PLCL1: variants seen among roughly 807,000 people sequenced by gnomAD.
PLCL1 encodes phospholipase C like 1 (inactive), also known as inactive phospholipase C-like protein 1.
PLCL1 carries 41 observed loss-of-function variants against 84.4 expected under a neutral mutation model. That is an observed-to-expected ratio of 0.49 (90% CI 0.38 to 0.63). PLCL1 has a LOEUF of 0.63. Among genes scored for constraint, PLCL1 ranks in the 30% least tolerant of loss-of-function variants. The pLI, the probability that PLCL1 is intolerant of heterozygous loss-of-function variation, is 0.00. For synonymous variants in PLCL1, 490 were observed against 488.3 expected (o/e 1.00, Z -0.05); for missense variants, 1,206 against 1,367.8 (o/e 0.88, Z 1.87).
intron 1 of PLCL1, among the ~76,000 whole-genome samples, chr2:198,076,470 C>A (rs1692578610): frequency 6.6e-6 from 1 of 152,144 alleles, no homozygotes; most frequent in South Asian, 2.1e-4. Flanking sequence ...CTTAGCATTG[C>A]CTTTAATTAA....
Position 197,912,951 on chromosome 2 carries a change from T to TA in PLCL1, c.240+107621dup, listed in dbSNP as rs1334990429. On this transcript the variant is annotated intron_variant, in intron 1 of 5. Coordinates refer to ENST00000428675, the MANE Select transcript of PLCL1 (RefSeq NM_006226.4). Reference sequence around the variant, plus strand: ...ATGTACCCTAAAACTTACAGTATAATAAAAAAAAATTAAAAAAAAAAAGAA... The same window carrying TA: ...ATGTACCCTAAAACTTACAGTATAATAAAAAAAAAATTAAAAAAAAAAAGAA... Among the ~76,000 whole-genome samples the TA allele has an allele frequency of 5.0e-4, 55 of 110,528 alleles. 2 individuals are homozygous for TA. The highest frequency in any genetic ancestry group is 1.4e-3 in the African/African-American group (48 of 34,902). The allele number at this position is 110,528 out of a possible 152,430, so 72.5% of individuals were successfully genotyped here.
chr2:198,125,202 G>T (rs1693956947), intron 5 of PLCL1, among the ~76,000 whole-genome samples: 1 of 152,098 alleles, frequency 6.6e-6, no homozygotes, highest in Admixed American at 6.6e-5. Flanking sequence ...TTGGCTGCAG[G>T]CCATAGTATA....
At chr2:198,134,109 T>C (rs997691350) in intron 5 of PLCL1, among the ~76,000 whole-genome samples, 3 of 152,100 alleles carry the variant, frequency 2.0e-5, no homozygotes, top group African/African-American at 4.8e-5. Flanking sequence ...ATTCAACTTT[T>C]GTGTAGGGTT....
rs142348552 is a variant in PLCL1, at chr2:198,044,036, A to G, written c.241-39722A>G. The stretch of plus-strand genomic sequence containing the variant: ...CTCTTTTTAAAACTATCTTTTACTA[A>G]GTCTACCACCCTTGCAAAATTACAC... On this transcript the variant is annotated intron_variant, in intron 1 of 5. Transcript: ENST00000428675. Among the ~76,000 whole-genome samples the G allele has an allele frequency of 4.6e-5, 7 of 151,986 alleles. 1 individual carries two copies. Among genetic ancestry groups the G allele is most frequent in the African/African-American group, 1.7e-4 (7 of 41,502 alleles).
intron 2 of PLCL1, among the ~76,000 whole-genome samples, 187 bp downstream of exon 2, chr2:198,086,419 G>A (rs1196278340): frequency 1.3e-5 from 2 of 152,124 alleles, no homozygotes; most frequent in East Asian, 3.9e-4. Flanking sequence ...CCAGGAGTTC[G>A]AGGCCAGCTT....
At chr2:197,922,833 A>G (rs1688736436) in intron 1 of PLCL1, among the ~76,000 whole-genome samples, 3 of 111,350 alleles carry the variant, frequency 2.7e-5, no homozygotes, top group African/African-American at 3.3e-5. Context: ...GGGGCTCCTC[A>G]CTTCCCAGTA....
chr2:197,878,794 G>A (rs1687781104), intron 1 of PLCL1, among the ~76,000 whole-genome samples: 1 of 152,124 alleles, frequency 6.6e-6, no homozygotes, highest in Admixed American at 6.6e-5. Context: ...TATCAGGTTG[G>A]GGGAGGGAGA....
At chr2:198,079,994 G>T (rs1692671770) in intron 1 of PLCL1, among the ~76,000 whole-genome samples, 1 of 152,200 alleles carries the variant, frequency 6.6e-6, no homozygotes, top group Non-Finnish European at 1.5e-5. Flanking sequence ...TGGGTGGAAG[G>T]GGTATTGGTA....
intron 5 of PLCL1, among the ~76,000 whole-genome samples, chr2:198,105,492 C>G (rs563282259): frequency 6.6e-6 from 1 of 151,886 alleles, no homozygotes; most frequent in South Asian, 2.1e-4. Flanking sequence ...GGTTCATACT[C>G]TAGGAGATGG....
chr2:197,995,804 CTTTG>C (rs1224129961), intron 1 of PLCL1, among the ~76,000 whole-genome samples: 2 of 152,166 alleles, frequency 1.3e-5, no homozygotes, highest in African/African-American at 2.4e-5. Context: ...GTATCTGCTT[CTTTG>C]TTTGGCTCTG....
chr2:198,131,290 T>C (rs1574334353), intron 5 of PLCL1, among the ~76,000 whole-genome samples: 1 of 152,180 alleles, frequency 6.6e-6, no homozygotes. Flanking sequence ...GATGCCTTCA[T>C]GGACACCTCA....
chr2:197,958,851 T>A (rs1182379813), intron 1 of PLCL1, among the ~76,000 whole-genome samples: 2 of 152,032 alleles, frequency 1.3e-5, no homozygotes, highest in East Asian at 3.9e-4. Flanking sequence ...ATCTAGTAAG[T>A]GGTAGAGTTG....
intron 5 of PLCL1, among the ~76,000 whole-genome samples, chr2:198,131,990 C>T (rs1694131159): frequency 6.6e-6 from 1 of 152,162 alleles, no homozygotes; most frequent in African/African-American, 2.4e-5. Flanking sequence ...TCCATTTCCC[C>T]TTTCCTTGCC....
At chr2:197,924,337 G>A (rs1348298890) in intron 1 of PLCL1, among the ~76,000 whole-genome samples, 3 of 152,100 alleles carry the variant, frequency 2.0e-5, no homozygotes, top group Non-Finnish European at 4.4e-5. Flanking sequence ...TCTTAATTGA[G>A]AGCAGTCATA....
At chr2:197,859,019 GGCCTCGTGACGTCTAT>G (rs1687380802) in intron 1 of PLCL1, among the ~76,000 whole-genome samples, 2 of 152,128 alleles carry the variant, frequency 1.3e-5, no homozygotes, top group Non-Finnish European at 2.9e-5. Context: ...AAAACTGGAA[GGCCTCGTGACGTCTAT>G]GCTTAGAACT....
At chr2:197,824,544 T>C (rs1344019408) in intron 1 of PLCL1, among the ~76,000 whole-genome samples, 1 of 151,792 alleles carries the variant, frequency 6.6e-6, no homozygotes, top group South Asian at 2.1e-4. Context: ...TGAGACCCCA[T>C]CTGTACAAAA....
intron 1 of PLCL1, among the ~76,000 whole-genome samples, chr2:197,920,761 A>G (rs560424247): frequency 6.6e-6 from 1 of 152,360 alleles, no homozygotes; most frequent in East Asian, 1.9e-4. Flanking sequence ...ACTTTGTTGC[A>G]GCTGTTTTCC....
intron 1 of PLCL1, among the ~76,000 whole-genome samples, chr2:197,996,636 C>A (rs190535615): frequency 6.6e-6 from 1 of 151,828 alleles, no homozygotes; most frequent in African/African-American, 2.4e-5. Flanking sequence ...CAGTGAAGAT[C>A]AGTTATGTGC....
chr2:197,859,769 G>A (rs1316472253), intron 1 of PLCL1, among the ~76,000 whole-genome samples: 1 of 152,010 alleles, frequency 6.6e-6, no homozygotes, highest in African/African-American at 2.4e-5. Flanking sequence ...AATAGGCCTG[G>A]GTGTATAGTC....
Sources: gnomAD v4.1 joint callset for allele counts (sites outside exome capture counted in the v4.1 genomes callset) on GRCh38, gnomAD v4.1.1 for gene constraint, MANE v1.5 for transcripts, NCBI Gene and HGNC (gene_info 2026-07-23, HGNC 2026-07-21) for gene names.